DPP6: variants seen among roughly 807,000 people sequenced by gnomAD.
DPP6 encodes the protein A-type potassium channel modulatory protein DPP6.
In DPP6, 69 loss-of-function variants were observed where a neutral mutation model predicts 122.6. The observed-to-expected ratio is 0.56, with a 90% CI of 0.46 to 0.69. The LOEUF is 0.69. Among genes scored for constraint, DPP6 ranks in the 30% least tolerant of loss-of-function variants. DPP6 has a pLI of 0.00. For missense variants in DPP6, 928 were observed against 1,116.9 expected (o/e 0.83, Z 2.41); for synonymous variants, 418 against 433.1 (o/e 0.97, Z 0.43).
At chr7:153,801,307 T>C in the DPP6 span, among the ~76,000 whole-genome samples, 2 of 148,170 alleles carry the variant, frequency 1.3e-5, no homozygotes, top group South Asian at 4.4e-4. Flanking sequence ...TTTTGGAAAG[T>C]CAAAAATGAC....
At chr7:154,171,139 T>C (rs1483889093) in intron 1 of DPP6, among the ~76,000 whole-genome samples, 1 of 152,246 alleles carries the variant, frequency 6.6e-6, no homozygotes, top group African/African-American at 2.4e-5. Flanking sequence ...GATTTGGTGA[T>C]CTTGGGCTAG....
In DPP6 at chr7:154,241,033, CATT is replaced by C. The variant is rs1346147225; in HGVS notation, c.243+187973_243+187975del. The stretch of plus-strand genomic sequence containing the variant: ...AATAGTAGGCCAGCTCATTCTCAGT[CATT>C]ATGTGATTTGTTGGAATATTGTGAA... On this transcript the variant is annotated intron_variant, in intron 1 of 25. Transcript: ENST00000377770. This position sits in a 1 kb window ranked among gnomAD's most constrained non-coding sequence, Gnocchi z 9.0. Among the ~76,000 whole-genome samples the C allele has an allele frequency of 6.6e-6, 1 of 152,092 alleles. No individual in the cohort carries two copies. Among genetic ancestry groups the C allele is most frequent in the Non-Finnish European group, 1.5e-5 (1 of 68,036 alleles).
intron 1 of DPP6, among the ~76,000 whole-genome samples, chr7:154,307,951 G>A (rs542653873): frequency 3.0e-4 from 45 of 151,668 alleles, no homozygotes; most frequent in Non-Finnish European, 5.3e-4. Flanking sequence ...TCATTAAACT[G>A]TGCTAACTCA....
chr7:154,119,363 A>G (rs1235258325), intron 1 of DPP6, among the ~76,000 whole-genome samples: 1 of 152,178 alleles, frequency 6.6e-6, no homozygotes, highest in Non-Finnish European at 1.5e-5. Flanking sequence ...GTAAAGAACA[A>G]GTGGCCGGGT....
intron 1 of DPP6, among the ~76,000 whole-genome samples, chr7:154,115,839 G>A (rs1325049570): frequency 6.6e-6 from 1 of 152,272 alleles, no homozygotes; most frequent in African/African-American, 2.4e-5. Context: ...CTGCAGAGCT[G>A]ACTAGTTTAC....
At chr7:153,829,458 C>A in the DPP6 span, among the ~76,000 whole-genome samples, 52 of 152,288 alleles carry the variant, frequency 3.4e-4, 1 homozygote, top group South Asian at 9.3e-3. Context: ...TCATGATCTG[C>A]CCACGTTGGC....
intron 1 of DPP6, among the ~76,000 whole-genome samples, chr7:154,326,126 G>A (rs1054218538): frequency 6.6e-6 from 1 of 152,334 alleles, no homozygotes; most frequent in African/African-American, 2.4e-5. Context: ...TTTGGCAAAT[G>A]TTGATCAATT....
At chr7:154,523,145 AT>A (rs765865751) in intron 3 of DPP6, among the ~76,000 whole-genome samples, 18 of 152,090 alleles carry the variant, frequency 1.2e-4, no homozygotes, top group African/African-American at 1.7e-4. Flanking sequence ...TTTCTGCTCC[AT>A]TTTTTATGAA....
intron 4 of DPP6, among the ~76,000 whole-genome samples, chr7:154,553,121 A>G (rs1430302933): frequency 6.6e-6 from 1 of 152,246 alleles, no homozygotes; most frequent in African/African-American, 2.4e-5. Flanking sequence ...TAGAAGGTAA[A>G]GATTATAAAC....
chr7:154,036,220 C>T (rs1312321069), intron 1 of DPP6, among the ~76,000 whole-genome samples: 1 of 150,120 alleles, frequency 6.7e-6, no homozygotes, highest in African/African-American at 2.5e-5. Context: ...AAATGATTCT[C>T]CTGCCTCAGC....
chr7:154,748,815 C>A (rs920576093), intron 8 of DPP6, among the ~76,000 whole-genome samples: 3 of 152,224 alleles, frequency 2.0e-5, no homozygotes, highest in African/African-American at 7.2e-5. Flanking sequence ...AGGCCTTGTC[C>A]TGCAAGCCCA....
At chr7:154,340,963 T>C (rs916329515) in intron 1 of DPP6, among the ~76,000 whole-genome samples, 3 of 152,320 alleles carry the variant, frequency 2.0e-5, no homozygotes, top group Admixed American at 1.3e-4. Context: ...CCTTTTCTTA[T>C]AGTATTTGTA....
chr7:154,299,424 C>T (rs959988221), intron 1 of DPP6, among the ~76,000 whole-genome samples: 9 of 152,212 alleles, frequency 5.9e-5, no homozygotes, highest in Admixed American at 3.3e-4. Context: ...GGTCGACTGT[C>T]GGAAAGCTGG....
chr7:154,660,886 G>A (rs71534141), intron 6 of DPP6, among the ~76,000 whole-genome samples: 5 of 64,144 alleles, frequency 7.8e-5, no homozygotes, highest in African/African-American at 1.7e-4. Flanking sequence ...GCGTATTGGC[G>A]CTAGTATTCA....
intron 4 of DPP6, among the ~76,000 whole-genome samples, chr7:154,552,455 G>A (rs1829707357): frequency 1.3e-5 from 2 of 152,116 alleles, no homozygotes; most frequent in South Asian, 2.1e-4. Flanking sequence ...TGACCAAGAC[G>A]GGAAGTTTGT....
intron 1 of DPP6, among the ~76,000 whole-genome samples, chr7:153,937,512 G>A (rs1016010485): frequency 5.0e-5 from 7 of 139,084 alleles, no homozygotes; most frequent in South Asian, 2.2e-4. Flanking sequence ...ACAGTGGCGC[G>A]ATCTCGCCCA....
chr7:154,163,640 G>A (rs1585525793), intron 1 of DPP6, among the ~76,000 whole-genome samples: 3 of 152,178 alleles, frequency 2.0e-5, no homozygotes, highest in South Asian at 2.1e-4. Flanking sequence ...AGATTTGCTA[G>A]TGCAATGATG....
chr7:154,638,877 T>C (rs1000531845), intron 6 of DPP6, among the ~76,000 whole-genome samples: 1 of 152,194 alleles, frequency 6.6e-6, no homozygotes, highest in Non-Finnish European at 1.5e-5. Context: ...CCACCTCATG[T>C]TTCTCTTTCC....
intron 19 of DPP6, among the ~76,000 whole-genome samples, chr7:154,873,990 CCACATGCACACATACACA>C (rs1222250393): frequency 1.3e-5 from 2 of 149,798 alleles, no homozygotes; most frequent in Non-Finnish European, 3.0e-5. Context: ...ACATGCATAC[CCACATGCACACATACACA>C]CACATGCACA....
Sources: gnomAD v4.1 joint callset for allele counts (sites outside exome capture counted in the v4.1 genomes callset) on GRCh38, gnomAD v4.1.1 for gene constraint, Gnocchi (gnomAD v3.1) non-coding constraint, MANE v1.5 for transcripts, NCBI Gene and HGNC (gene_info 2026-07-23, HGNC 2026-07-21) for gene names.